The following NRG3 variants were observed in gnomAD, a reference collection of about 807,000 sequenced individuals.
NRG3 encodes neuregulin 3, also known as pro-neuregulin-3, membrane-bound isoform.
In NRG3, 31 loss-of-function variants were observed where a neutral mutation model predicts 66.9. The ratio of observed to expected loss-of-function variants is 0.46; its 90% CI spans 0.35 to 0.63. The LOEUF (loss-of-function observed/expected upper bound fraction) is 0.63. Among genes scored for constraint, NRG3 ranks in the 20% least tolerant of loss-of-function variants. The pLI, the probability that NRG3 is intolerant of heterozygous loss-of-function variation, is 0.00. For synonymous variants in NRG3, 393 were observed against 359.4 expected (o/e 1.09, Z -1.06); for missense variants, 910 against 878.9 (o/e 1.04, Z -0.45).
chr10:82,585,525 G>A (rs773085502), intron 2 of NRG3, among the ~76,000 whole-genome samples: 10 of 152,120 alleles, frequency 6.6e-5, no homozygotes. Context: ...CCTAGTCACA[G>A]ACCACCCACC....
At chr10:82,142,131 A>G (rs1253306480) in intron 1 of NRG3, among the ~76,000 whole-genome samples, 1 of 152,212 alleles carries the variant, frequency 6.6e-6, no homozygotes, top group Non-Finnish European at 1.5e-5. Context: ...TTCATCCAAG[A>G]ACATCTTGTT....
intron 2 of NRG3, among the ~76,000 whole-genome samples, chr10:82,668,004 T>C (rs888630769): frequency 3.3e-5 from 5 of 152,206 alleles, no homozygotes; most frequent in African/African-American, 1.2e-4. Context: ...CGTCAGTTTC[T>C]TGCTCACCAA....
chr10:82,373,523 C>T (rs1045733966), intron 2 of NRG3, among the ~76,000 whole-genome samples: 1 of 152,196 alleles, frequency 6.6e-6, no homozygotes, highest in Non-Finnish European at 1.5e-5. Context: ...TAGGAACTCT[C>T]AACTTTCAGC....
intron 1 of NRG3, among the ~76,000 whole-genome samples, chr10:82,299,788 C>T (rs941053139): frequency 6.6e-5 from 10 of 152,010 alleles, no homozygotes; most frequent in African/African-American, 1.9e-4. Context: ...AAACCACCAA[C>T]GAGAAGCACT....
chr10:81,970,876 A>G (rs920369021), intron 1 of NRG3, among the ~76,000 whole-genome samples: 33 of 152,338 alleles, frequency 2.2e-4, no homozygotes, highest in Middle Eastern at 3.4e-3. Flanking sequence ...GTGGTGACTC[A>G]TGCCTGTAAT....
At chr10:82,674,137 A>G (rs2134062526) in intron 2 of NRG3, among the ~76,000 whole-genome samples, 1 of 152,300 alleles carries the variant, frequency 6.6e-6, no homozygotes, top group Admixed American at 6.5e-5. Context: ...CTGTATGGCA[A>G]AATTAGACAA....
intron 2 of NRG3, among the ~76,000 whole-genome samples, chr10:82,501,756 T>C (rs1396158673): frequency 1.3e-5 from 2 of 152,204 alleles, no homozygotes; most frequent in Non-Finnish European, 2.9e-5. Context: ...AACTCAATTC[T>C]CTAACCACCA....
chr10:82,960,255 G>A (rs1436680754), intron 6 of NRG3, among the ~76,000 whole-genome samples: 5 of 152,186 alleles, frequency 3.3e-5, no homozygotes, highest in Admixed American at 3.3e-4. Flanking sequence ...TTCAGAAACA[G>A]AGTGAATGGT....
chr10:82,813,332 G>A (rs2061573246), intron 3 of NRG3, among the ~76,000 whole-genome samples: 1 of 148,804 alleles, frequency 6.7e-6, no homozygotes, highest in African/African-American at 2.5e-5. Flanking sequence ...TCCTGCCTCA[G>A]CCTCCTGAGT....
At chr10:82,759,683 G>T (rs2059225027) in intron 3 of NRG3, among the ~76,000 whole-genome samples, 1 of 152,148 alleles carries the variant, frequency 6.6e-6, no homozygotes, top group Non-Finnish European at 1.5e-5. Context: ...CCAAAGTGAT[G>T]AGAAGTTGTA....
intron 2 of NRG3, among the ~76,000 whole-genome samples, chr10:82,646,983 AT>A (rs1182641830): frequency 7.7e-6 from 1 of 130,670 alleles, no homozygotes; most frequent in Non-Finnish European, 1.7e-5. Flanking sequence ...CTTCACCTTT[AT>A]TTTTTTATGT....
intron 2 of NRG3, among the ~76,000 whole-genome samples, chr10:82,416,781 G>A (rs1315619364): frequency 2.0e-5 from 3 of 152,104 alleles, no homozygotes; most frequent in African/African-American, 7.2e-5. Flanking sequence ...TACCTGCTGT[G>A]CAAAGGTGAT....
chr10:82,759,255 C>T (rs2059207239), intron 3 of NRG3, among the ~76,000 whole-genome samples: 1 of 152,020 alleles, frequency 6.6e-6, no homozygotes, highest in South Asian at 2.1e-4. Context: ...TACTTTCTGC[C>T]TTAAATTGAA....
chr10:82,825,386 G>A (rs2062153005), intron 3 of NRG3, among the ~76,000 whole-genome samples: 1 of 152,024 alleles, frequency 6.6e-6, no homozygotes, highest in African/African-American at 2.4e-5. Context: ...TACAGGTATT[G>A]CTCCCAAGTA....
chr10:82,839,017 G>A (rs948068488), intron 3 of NRG3, among the ~76,000 whole-genome samples: 4 of 152,020 alleles, frequency 2.6e-5, no homozygotes, highest in African/African-American at 9.7e-5. Context: ...TCACTACCAC[G>A]AGAACAGTAT....
At chr10:81,923,328 C>T (rs1361587499) in intron 1 of NRG3, among the ~76,000 whole-genome samples, 1 of 152,188 alleles carries the variant, frequency 6.6e-6, no homozygotes, top group African/African-American at 2.4e-5. Context: ...GCCTCAGCCT[C>T]CCGAGTAGCT....
intron 1 of NRG3, among the ~76,000 whole-genome samples, chr10:82,194,336 T>A (rs2074334152): frequency 6.6e-6 from 1 of 152,096 alleles, no homozygotes; most frequent in Non-Finnish European, 1.5e-5. Context: ...TCAGAGAGGC[T>A]GTTGGATATT....
intron 1 of NRG3, among the ~76,000 whole-genome samples, chr10:82,058,212 A>G (rs944935087): frequency 3.3e-5 from 5 of 151,950 alleles, no homozygotes; most frequent in Admixed American, 6.6e-5. Flanking sequence ...AAGGATAGCA[A>G]TTCTAGGCCA....
chr10:82,838,420 A>G (rs942037449), intron 3 of NRG3, among the ~76,000 whole-genome samples: 2 of 152,184 alleles, frequency 1.3e-5, no homozygotes, highest in Non-Finnish European at 1.5e-5. Context: ...CTCTCATTTT[A>G]TGGTGACAAT....
Sources: gnomAD v4.1 joint callset for allele counts (sites outside exome capture counted in the v4.1 genomes callset) on GRCh38, gnomAD v4.1.1 for gene constraint, MANE v1.5 for transcripts, NCBI Gene and HGNC (gene_info 2026-07-23, HGNC 2026-07-21) for gene names.